SNX18: variants seen among roughly 807,000 people sequenced by gnomAD.
SNX18 encodes sorting nexin 18, also known as sorting nexin-18.
Under a neutral mutation model 48.7 loss-of-function variants are expected in SNX18, and 35 were observed. That is an observed-to-expected ratio of 0.72 (90% CI 0.55 to 0.95). SNX18 has a LOEUF of 0.95. Ranked by LOEUF, SNX18 falls within the 40% of genes least tolerant of loss-of-function variation. The probability of loss-of-function intolerance (pLI) is 0.00; values close to 1 mark genes in which losing one functional copy is unlikely to be tolerated. For synonymous variants in SNX18, 492 were observed against 384.7 expected (o/e 1.28, Z -3.26); for missense variants, 824 against 871.0 (o/e 0.95, Z 0.68).
intron 1 of SNX18, chr5:54,519,909 C>G: frequency 1.5e-6 from 2 of 1,297,762 alleles, no homozygotes; most frequent in Non-Finnish European, 2.1e-6. Flanking sequence ...TAGAAGGGGA[C>G]CTAAACCATG....
At chr5:54,639,603 A>C in the SNX18 span, among the ~76,000 whole-genome samples, 2 of 105,676 alleles carry the variant, frequency 1.9e-5, no homozygotes, top group African/African-American at 7.5e-5. Flanking sequence ...TTTAATCTTT[A>C]TTTTTCACGA....
the SNX18 span, among the ~76,000 whole-genome samples, chr5:54,610,440 T>C: frequency 1.3e-5 from 2 of 152,158 alleles, no homozygotes; most frequent in African/African-American, 4.8e-5. Flanking sequence ...GAGACTTGAA[T>C]CCACCCCTAC....
chr5:54,607,585 C>T, the SNX18 span, among the ~76,000 whole-genome samples: 26 of 152,088 alleles, frequency 1.7e-4, no homozygotes, highest in African/African-American at 6.3e-4. Context: ...TTTGTTTAAC[C>T]ATTCACCTGT....
At chr5:54,642,864 T>G in the SNX18 span, among the ~76,000 whole-genome samples, 1 of 152,140 alleles carries the variant, frequency 6.6e-6, no homozygotes, top group Non-Finnish European at 1.5e-5. Context: ...ACATACATAT[T>G]TAATGGGTTA....
At chr5:54,534,730 A>G (rs1431900193) in intron 1 of SNX18, among the ~76,000 whole-genome samples, 1 of 152,044 alleles carries the variant, frequency 6.6e-6, no homozygotes, top group Non-Finnish European at 1.5e-5. Flanking sequence ...TTTCCAGGAA[A>G]GTTGTTCTCC....
At chr5:54,627,382 T>C in the SNX18 span, among the ~76,000 whole-genome samples, 3 of 152,316 alleles carry the variant, frequency 2.0e-5, no homozygotes, top group East Asian at 1.9e-4. Flanking sequence ...CCTGGGGATA[T>C]GTTTTGAGGC....
At chr5:54,573,137 GA>G in the SNX18 span, among the ~76,000 whole-genome samples, 1 of 151,916 alleles carries the variant, frequency 6.6e-6, no homozygotes, top group African/African-American at 2.4e-5. Context: ...TAATAATATC[GA>G]TTCTTGCAAA....
At chr5:54,588,306 C>CTTTTTTTTTTTTTTTTTTATTTTTT in the SNX18 span, among the ~76,000 whole-genome samples, 1 of 73,910 alleles carries the variant, frequency 1.4e-5, no homozygotes, top group Non-Finnish European at 2.5e-5. Context: ...TATTTCTATT[C>CTTTTTTTTTTTTTTTTTTATTTTTT]TTTTTTTTTT....
chr5:54,632,682 G>A, the SNX18 span, among the ~76,000 whole-genome samples: 1 of 151,938 alleles, frequency 6.6e-6, no homozygotes, highest in Non-Finnish European at 1.5e-5. Context: ...GGGATGAGGG[G>A]ATTTGTTGTG....
the SNX18 span, among the ~76,000 whole-genome samples, chr5:54,565,397 G>T: frequency 6.6e-6 from 1 of 151,980 alleles, no homozygotes; most frequent in Non-Finnish European, 1.5e-5. Context: ...AACATAGTGA[G>T]ATCCTGTCTC....
chr5:54,577,877 C>T, the SNX18 span, among the ~76,000 whole-genome samples: 1 of 152,148 alleles, frequency 6.6e-6, no homozygotes, highest in South Asian at 2.1e-4. Context: ...GTGGGAATGC[C>T]CAAGAATCGG....
chr5:54,540,484 C>T (rs928655724), intron 1 of SNX18, among the ~76,000 whole-genome samples: 3 of 152,132 alleles, frequency 2.0e-5, no homozygotes, highest in Admixed American at 6.5e-5. Context: ...CCCAAATTGC[C>T]GGGATTTTAG....
chr5:54,577,799 T>G, the SNX18 span, among the ~76,000 whole-genome samples: 1 of 152,186 alleles, frequency 6.6e-6, no homozygotes, highest in Non-Finnish European at 1.5e-5. Context: ...CACAGTTGTT[T>G]CCTTCCACCC....
the SNX18 span, among the ~76,000 whole-genome samples, chr5:54,606,571 CCA>C: frequency 6.6e-6 from 1 of 152,142 alleles, no homozygotes; most frequent in Admixed American, 6.5e-5. Flanking sequence ...TCGTCCCACC[CCA>C]GAGTGTCCTG....
chr5:54,612,254 AT>A, the SNX18 span, among the ~76,000 whole-genome samples: 17 of 71,848 alleles, frequency 2.4e-4, no homozygotes, highest in Admixed American at 8.4e-4. Context: ...GAGGGTGGGA[AT>A]TTTTTTTTAT....
the SNX18 span, among the ~76,000 whole-genome samples, chr5:54,618,985 A>G: frequency 9.1e-6 from 1 of 110,322 alleles, no homozygotes; most frequent in East Asian, 2.0e-4. Context: ...AAAAAGCAAA[A>G]CAAAACAAAC....
chr5:54,588,163 T>G, the SNX18 span, among the ~76,000 whole-genome samples: 1 of 152,072 alleles, frequency 6.6e-6, no homozygotes, highest in African/African-American at 2.4e-5. Context: ...TTTTTCATAT[T>G]GACTCTAGGC....
In SNX18 at chr5:54,530,744, A is replaced by ATTTTTTTTTTTTTTTT. The variant is rs70986692; in HGVS notation, c.1621+11182_1621+11197dup. 4.8e-4 allele frequency among the ~76,000 whole-genome samples: 35 copies of ATTTTTTTTTTTTTTTT among 72,510 alleles called. 5 individuals carry two copies. Among genetic ancestry groups the ATTTTTTTTTTTTTTTT allele is most frequent in the South Asian group, 6.4e-4 (1 of 1,564 alleles). The allele number at this position is 72,510 out of a possible 152,430, so 47.6% of individuals were successfully genotyped here. A position where few individuals can be genotyped will look rare whatever the true frequency, so the allele number is the denominator to read the frequency against. The stretch of plus-strand genomic sequence containing the variant: ...TGCAGACAGGAGCTGAACCACAGAA[A>ATTTTTTTTTTTTTTTT]TTTTTTTTTTTTTTTTTTTTTTTTT... On this transcript the variant is annotated intron_variant, in intron 1 of 1. Transcript: ENST00000381410.
intron 1 of SNX18, among the ~76,000 whole-genome samples, chr5:54,526,869 G>A (rs1022581546): frequency 6.6e-6 from 1 of 152,072 alleles, no homozygotes; most frequent in Non-Finnish European, 1.5e-5. Flanking sequence ...ACTAGTAAGA[G>A]TGCTCAAAGT....
Sources: allele counts gnomAD v4.1 joint callset (sites outside exome capture counted in the v4.1 genomes callset), GRCh38; gene constraint gnomAD v4.1.1; transcripts MANE v1.5; gene names NCBI Gene and HGNC (gene_info 2026-07-23, HGNC 2026-07-21).